The following RIMKLA variants were observed in gnomAD, a reference collection of about 807,000 sequenced individuals.
RIMKLA encodes the protein N-acetylaspartylglutamate synthase A.
Under a neutral mutation model 32.7 loss-of-function variants are expected in RIMKLA, and 14 were observed. The observed-to-expected ratio is 0.43, with a 90% CI of 0.28 to 0.67. The LOEUF is 0.67. Ranked by LOEUF, RIMKLA falls within the 30% of genes least tolerant of loss-of-function variation. The pLI, the probability that RIMKLA is intolerant of heterozygous loss-of-function variation, is 0.18. For missense variants in RIMKLA, 410 were observed against 519.0 expected, an observed-to-expected ratio of 0.79 and a Z score of 2.04; for synonymous variants, 176 against 204.1, an observed-to-expected ratio of 0.86 and a Z score of 1.18.
At chr1:42,409,963 T>G in intron 3 of RIMKLA, 21 bp from the exon 4 acceptor site, 1 of 1,602,404 alleles carries the variant, frequency 6.2e-7, no homozygotes, top group Non-Finnish European at 8.6e-7. Flanking sequence ...ACCCCTTCTC[T>G]TGCTCTTTTT....
chr1:42,406,744 C>T lies in RIMKLA; in HGVS notation c.481+2147C>T, dbSNP rs536699928. ...ATCTAGTGAGTGTGAAATGGTATCT[C>T]ATTGTGGTTTTGATTTGCATTTACC... On this transcript the variant is annotated intron_variant, in intron 3 of 4. Transcript: ENST00000431473. Among the ~76,000 whole-genome samples, 14 of 152,020 alleles carry T rather than the reference C, an allele frequency of 9.2e-5. No homozygotes were observed. In the South Asian group the frequency reaches 2.1e-3, roughly 23 times the overall value.
In RIMKLA at chr1:42,416,834, T is replaced by G. The variant is rs1215096457; in HGVS notation, c.*1860T>G. On this transcript the variant is annotated 3_prime_UTR_variant, in exon 5 of 5. Transcript: ENST00000431473. Reference sequence around the variant, plus strand: ...TCTCACCAAGTAATAGTTGTGCAATTGACAAATGTTTGGTGCCATGTAATG... The same window carrying G: ...TCTCACCAAGTAATAGTTGTGCAATGGACAAATGTTTGGTGCCATGTAATG... 1 of 152,264 alleles carries G rather than the reference T, an allele frequency of 6.6e-6. No homozygotes were observed. Among genetic ancestry groups the G allele is most frequent in the Non-Finnish European group, 1.5e-5 (1 of 68,050 alleles). 9.4% of individuals were successfully genotyped at this position (152,264 alleles called of 1,614,324 possible).
At chr1:42,392,624 A>T (rs1415943719) in intron 1 of RIMKLA, among the ~76,000 whole-genome samples, 2 of 152,170 alleles carry the variant, frequency 1.3e-5, no homozygotes, top group African/African-American at 4.8e-5. Context: ...CAGGAAATTA[A>T]CACCATGCCC....
At chr1:42,411,745 C>T (rs182077065) in intron 4 of RIMKLA, among the ~76,000 whole-genome samples, 1 of 151,992 alleles carries the variant, frequency 6.6e-6, no homozygotes, top group Non-Finnish European at 1.5e-5. Flanking sequence ...ACAATCTCCG[C>T]TCATTGCAAG....
chr1:42,386,940 AC>A (rs1248589593), intron 1 of RIMKLA, among the ~76,000 whole-genome samples: 1 of 151,126 alleles, frequency 6.6e-6, no homozygotes, highest in African/African-American at 2.4e-5. Context: ...GGTGAAATGC[AC>A]CTGTAATCTC....
At chr1:42,384,539 ATG>A (rs993698201) in intron 1 of RIMKLA, among the ~76,000 whole-genome samples, 12 of 146,302 alleles carry the variant, frequency 8.2e-5, no homozygotes, top group Non-Finnish European at 1.8e-4. Context: ...ATACATATAT[ATG>A]TATATATATG....
intron 1 of RIMKLA, among the ~76,000 whole-genome samples, chr1:42,398,135 C>T (rs1643063598): frequency 1.3e-5 from 2 of 152,182 alleles, no homozygotes; most frequent in Non-Finnish European, 2.9e-5. Flanking sequence ...AGGCACTATT[C>T]TAGGTGCTGA....
chr1:42,415,331 A>C lies in RIMKLA; in HGVS notation c.*357A>C, dbSNP rs1376615139. On this transcript the variant is annotated 3_prime_UTR_variant, in exon 5 of 5. Coordinates refer to ENST00000431473, the MANE Select transcript of RIMKLA (RefSeq NM_173642.4). ...TCTTGGAATTATGTACTCAAAAGCA[A>C]CCACGGGATGGAAGCATGTGCAGAC... 4.5e-6 allele frequency: 1 copy of C among 220,458 alleles called. No individual in the cohort carries two copies. Among genetic ancestry groups the C allele is most frequent in the Non-Finnish European group, 9.0e-6 (1 of 110,670 alleles). 13.7% of individuals were successfully genotyped at this position (220,458 alleles called of 1,614,324 possible). A position where few individuals can be genotyped will look rare whatever the true frequency, so the allele number is the denominator to read the frequency against.
chr1:42,395,330 G>T (rs976444272), intron 1 of RIMKLA, among the ~76,000 whole-genome samples: 1 of 150,240 alleles, frequency 6.7e-6, no homozygotes, highest in Admixed American at 6.6e-5. Flanking sequence ...ATATTTCATT[G>T]ACCTATTTGG....
At chr1:42,409,290 A>G (rs552979081) in intron 3 of RIMKLA, among the ~76,000 whole-genome samples, 99 of 152,172 alleles carry the variant, frequency 6.5e-4, no homozygotes, top group African/African-American at 2.3e-3. Flanking sequence ...AAGAATTTAG[A>G]ATCAAGAAGG....
intron 3 of RIMKLA, among the ~76,000 whole-genome samples, chr1:42,408,367 T>C (rs997959251): frequency 6.6e-6 from 1 of 152,182 alleles, no homozygotes; most frequent in Non-Finnish European, 1.5e-5. Flanking sequence ...GGTTATAACA[T>C]GTTTTGGAAT....
rs1236519147 is a variant in RIMKLA at position 42,417,034 on chromosome 1, C to G, written c.*2060C>G. On this transcript the variant is annotated 3_prime_UTR_variant, in exon 5 of 5. Transcript: ENST00000431473. ...CAGGGTGGCTTTAAAAGACGGACAG[C>G]TTTAGGTTTGTTCTCACTGGAACTG... The G allele has an allele frequency of 6.6e-6, 1 of 152,212 alleles. No individual in the cohort carries two copies. Among genetic ancestry groups the G allele is most frequent in the African/African-American group, 2.4e-5 (1 of 41,446 alleles). 9.4% of individuals were successfully genotyped at this position (152,212 alleles called of 1,614,324 possible).
In RIMKLA at chr1:42,410,313, A is replaced by G. The variant is rs910922864; in HGVS notation, c.685+126A>G. 15 of 776,740 alleles carry G rather than the reference A, an allele frequency of 1.9e-5. No individual in the cohort carries two copies. In the African/African-American group the frequency reaches 2.4e-4, roughly 13 times the overall value. The allele number at this position is 776,740 out of a possible 1,614,324, so 48.1% of individuals were successfully genotyped here. A position where few individuals can be genotyped will look rare whatever the true frequency, so the allele number is the denominator to read the frequency against. The stretch of plus-strand genomic sequence containing the variant: ...GATCTCACAGATGAGAATGAGGAAC[A>G]AACTCTTTCCTATGGCAGCAAGCAA... On this transcript the variant is annotated intron_variant, in intron 4 of 4. Transcript: ENST00000431473.
rs117384768 is a variant in RIMKLA, at chr1:42,406,325, A to C, written c.481+1728A>C. On this transcript the variant is annotated intron_variant, in intron 3 of 4. Transcript: ENST00000431473. ...TATTACCACTACTTAATTTCAGAAC[A>C]TTTCCATCACCCCCAAAAGAAGCCT... Among the ~76,000 whole-genome samples, 18 of 152,320 alleles carry C rather than the reference A, an allele frequency of 1.2e-4. No individual in the cohort carries two copies. The East Asian group carries it at 3.5e-3, about 29-fold the overall frequency.
chr1:42,394,801 A>G (rs1643029151), intron 1 of RIMKLA, among the ~76,000 whole-genome samples: 1 of 151,408 alleles, frequency 6.6e-6, no homozygotes, highest in Non-Finnish European at 1.5e-5. Flanking sequence ...CAATGACGCG[A>G]TCTCAGCTCA....
At chr1:42,389,795 C>T (rs1419263148) in intron 1 of RIMKLA, among the ~76,000 whole-genome samples, 1 of 149,566 alleles carries the variant, frequency 6.7e-6, no homozygotes, top group Non-Finnish European at 1.5e-5. Context: ...GTCTGGGTGA[C>T]AGAGCGAGAC....
chr1:42,406,137 C>T (rs1484531320), intron 3 of RIMKLA, among the ~76,000 whole-genome samples: 4 of 152,074 alleles, frequency 2.6e-5, no homozygotes, highest in Non-Finnish European at 5.9e-5. Flanking sequence ...AAAGTTCCTG[C>T]CCTCGAGTAG....
At chr1:42,408,707 C>T (rs1312771756) in intron 3 of RIMKLA, among the ~76,000 whole-genome samples, 1 of 152,112 alleles carries the variant, frequency 6.6e-6, no homozygotes, top group Non-Finnish European at 1.5e-5. Context: ...AGGCGTGAGC[C>T]ACTGCACCTG....
chr1:42,414,072 G>C (rs574384003), intron 4 of RIMKLA, among the ~76,000 whole-genome samples: 116 of 151,664 alleles, frequency 7.6e-4, no homozygotes, highest in African/African-American at 2.5e-3. Context: ...ATTATTAATG[G>C]CTGTAAAATA....
Sources: gnomAD v4.1 joint callset for allele counts (sites outside exome capture counted in the v4.1 genomes callset) on GRCh38, gnomAD v4.1.1 for gene constraint, MANE v1.5 for transcripts, NCBI Gene and HGNC (gene_info 2026-07-23, HGNC 2026-07-21) for gene names.